The following CATSPER3 variants were observed in gnomAD, a reference collection of about 807,000 sequenced individuals.
The protein encoded by CATSPER3 is cation channel sperm-associated protein 3.
In CATSPER3, 23 loss-of-function variants were observed where a neutral mutation model predicts 36.6. The ratio of observed to expected loss-of-function variants is 0.63; its 90% CI spans 0.45 to 0.89. The LOEUF (loss-of-function observed/expected upper bound fraction) is 0.89. Among genes scored for constraint, CATSPER3 ranks in the 40% least tolerant of loss-of-function variants. The pLI, the probability that CATSPER3 is intolerant of heterozygous loss-of-function variation, is 0.00. For missense variants in CATSPER3, 474 were observed against 503.9 expected (o/e 0.94, Z 0.57); for synonymous variants, 172 against 184.1 (o/e 0.93, Z 0.53).
intron 3 of CATSPER3, among the ~76,000 whole-genome samples, chr5:135,000,445 A>G (rs1184090787): frequency 6.6e-6 from 1 of 152,262 alleles, no homozygotes; most frequent in Non-Finnish European, 1.5e-5. Context: ...AAAATGAGTT[A>G]GGGAGGATTC....
chr5:134,987,894 T>C (rs1474665028), intron 2 of CATSPER3, among the ~76,000 whole-genome samples: 1 of 152,186 alleles, frequency 6.6e-6, no homozygotes, highest in Non-Finnish European at 1.5e-5. Flanking sequence ...GGAACAAGAC[T>C]AATATGACTG....
At chr5:134,979,780 G>A (rs1296606850) in intron 2 of CATSPER3, among the ~76,000 whole-genome samples, 1 of 152,150 alleles carries the variant, frequency 6.6e-6, no homozygotes, top group African/African-American at 2.4e-5. Context: ...AAGGTCTCAA[G>A]ATTTCACCTT....
intron 2 of CATSPER3, among the ~76,000 whole-genome samples, chr5:134,979,370 C>T (rs1452676215): frequency 6.6e-6 from 1 of 152,148 alleles, no homozygotes; most frequent in Admixed American, 6.5e-5. Context: ...CTCCTGGGCT[C>T]AAGTGATCCA....
intron 2 of CATSPER3, among the ~76,000 whole-genome samples, chr5:134,971,019 G>A (rs563443212): frequency 6.5e-4 from 99 of 151,760 alleles, no homozygotes; most frequent in African/African-American, 1.5e-3. Context: ...GCGCAATCTC[G>A]GCTCACTGCA....
intron 2 of CATSPER3, among the ~76,000 whole-genome samples, chr5:134,976,556 G>A (rs1751677456): frequency 6.6e-6 from 1 of 152,360 alleles, no homozygotes; most frequent in South Asian, 2.1e-4. Flanking sequence ...TAGGATGTAA[G>A]CTGCTCATGG....
Position 135,009,500 on chromosome 5 carries a change from C to T in CATSPER3, c.936+10C>T. 1 of 1,612,244 alleles carries T rather than the reference C, an allele frequency of 6.2e-7. No individual in the cohort carries two copies. Among genetic ancestry groups the T allele is most frequent in the Non-Finnish European group, 8.5e-7 (1 of 1,179,062 alleles). ...GCTGATGCACATACAGGTGAGTGGC[C>T]CCTGCAGGCAGGTGGACAGATGGGT... On this transcript the variant is annotated intron_variant, in intron 6 of 7. Transcript: ENST00000282611.
At chr5:134,981,020 TTCTC>T (rs138608344) in intron 2 of CATSPER3, among the ~76,000 whole-genome samples, 2 of 151,360 alleles carry the variant, frequency 1.3e-5, no homozygotes, top group African/African-American at 2.4e-5. Context: ...TGCCTGGCCT[TTCTC>T]TCTCTCTCTT....
intron 2 of CATSPER3, among the ~76,000 whole-genome samples, chr5:134,990,093 A>G (rs1167738664): frequency 6.6e-6 from 1 of 152,180 alleles, no homozygotes; most frequent in East Asian, 1.9e-4. Context: ...GATCCAGTTT[A>G]TGCCATCCCA....
chr5:134,996,431 A>G lies in CATSPER3; in HGVS notation c.411A>G (p.Lys137=). Reference sequence around the variant, plus strand: ...ATGCCCTCCGCCAGCTCATGGGCAAACAGTTCACTTACCTGTATATCGCTG... The same window carrying G: ...ATGCCCTCCGCCAGCTCATGGGCAAGCAGTTCACTTACCTGTATATCGCTG... The part of the protein sequence containing the change: ...LPYALRQLMG[K]QFTYLYIADG... The change falls in exon 3 of 8, where the codon AAA becomes AAG. Residue 137 remains lysine, a synonymous_variant. Transcript: ENST00000282611. 6.2e-7 allele frequency: 1 copy of G among 1,614,168 alleles called. No individual in the cohort carries two copies. Among genetic ancestry groups the G allele is most frequent in the East Asian group, 2.2e-5 (1 of 44,882 alleles).
intron 2 of CATSPER3, among the ~76,000 whole-genome samples, chr5:134,987,261 A>G (rs1302829375): frequency 6.6e-6 from 1 of 152,232 alleles, no homozygotes; most frequent in African/African-American, 2.4e-5. Context: ...ATCTAGATGA[A>G]ATGGACAGCA....
intron 3 of CATSPER3, among the ~76,000 whole-genome samples, chr5:135,003,071 C>G (rs1752042152): frequency 6.6e-6 from 1 of 152,182 alleles, no homozygotes; most frequent in South Asian, 2.1e-4. Flanking sequence ...GGTTTCTCCC[C>G]ATCTTTGTGG....
chr5:134,972,726 C>T (rs1751621491), intron 2 of CATSPER3, among the ~76,000 whole-genome samples: 1 of 152,028 alleles, frequency 6.6e-6, no homozygotes, highest in Admixed American at 6.6e-5. Context: ...AGAACAAATG[C>T]TAAAGTGTAT....
rs565306342 is a variant in CATSPER3, at chr5:134,997,267, C to T, written c.492+755C>T. 7.9e-5 allele frequency among the ~76,000 whole-genome samples: 12 copies of T among 152,340 alleles called. 1 individual carries two copies. Among genetic ancestry groups the T allele is most frequent in the Admixed American group, 5.9e-4 (9 of 15,310 alleles). On this transcript the variant is annotated intron_variant, in intron 3 of 7. Transcript: ENST00000282611. The stretch of plus-strand genomic sequence containing the variant: ...GTGGCTGGCCGTCTAGGGCCTGGCC[C>T]CACACTCTGGGAGCCCCAGGCCTGG...
chr5:134,979,303 A>AT (rs1751720299), intron 2 of CATSPER3, among the ~76,000 whole-genome samples: 1 of 151,896 alleles, frequency 6.6e-6, no homozygotes, highest in Non-Finnish European at 1.5e-5. Flanking sequence ...TGCCCAGCTA[A>AT]TTTTTGTATG....
rs540871226 is a variant in CATSPER3, at chr5:134,970,044, C to T, written c.204C>T (p.Ala68=). 1 of 1,614,040 alleles carries T rather than the reference C, an allele frequency of 6.2e-7. No individual in the cohort carries two copies. The highest frequency in any genetic ancestry group is 2.2e-5 in the East Asian group (1 of 44,874). ...STVTSNAFFM[A]LWTSYDIRYR... is the part of the protein sequence containing the mutation. ...TCACATCGAATGCGTTTTTTATGGC[C>T]TTGTGGACCAGTTATGACATAAGGT... Residue 68 remains alanine (A), a synonymous_variant, in exon 2 of 8, where the codon GCC becomes GCT. Transcript: ENST00000282611.
Position 135,008,912 on chromosome 5 carries a change from C to T in CATSPER3, c.747C>T (p.Ile249=). ...REFALSRAFT[I]IFILLASFIF... is the part of the protein sequence containing the mutation. ...TTGCTTTGAGCCGGGCATTCACCAT[C>T]ATCTTCATCTTGCTCGCCTCTTTCA... Residue 249 remains isoleucine, a synonymous_variant, in exon 5 of 8, where the codon ATC becomes ATT. Coordinates refer to ENST00000282611, the MANE Select transcript of CATSPER3 (RefSeq NM_178019.3). The T allele has an allele frequency of 4.3e-6, 7 of 1,614,036 alleles. No homozygotes were observed. Among genetic ancestry groups the T allele is most frequent in the Middle Eastern group, 3.3e-4 (2 of 6,062 alleles).
At chr5:134,995,455 C>T (rs141932489) in intron 2 of CATSPER3, among the ~76,000 whole-genome samples, 24 of 152,154 alleles carry the variant, frequency 1.6e-4, no homozygotes, top group African/African-American at 5.3e-4. Context: ...TCCAACCTGG[C>T]GAGTCCCTTT....
intron 3 of CATSPER3, among the ~76,000 whole-genome samples, chr5:134,999,690 C>G (rs1751996054): frequency 6.6e-6 from 1 of 152,176 alleles, no homozygotes; most frequent in Non-Finnish European, 1.5e-5. Context: ...GGAGTTCACT[C>G]ATTATTTGGC....
chr5:135,011,662 C>T lies in CATSPER3; in HGVS notation c.*39C>T, dbSNP rs778759697. 5.9e-6 allele frequency: 8 copies of T among 1,361,642 alleles called. No homozygotes were observed. The highest frequency in any genetic ancestry group is 3.5e-4 in the Middle Eastern group (2 of 5,660). 84.3% of individuals were successfully genotyped at this position (1,361,642 alleles called of 1,614,324 possible). On this transcript the variant is annotated 3_prime_UTR_variant, in exon 8 of 8. Coordinates refer to ENST00000282611, the MANE Select transcript of CATSPER3 (RefSeq NM_178019.3). The stretch of plus-strand genomic sequence containing the variant: ...ACCCATGTGCCGAGAGCCTTGCAGA[C>T]CATGACAGGTCCCTATTAAACACAG...
Sources: gnomAD v4.1 joint callset for allele counts (sites outside exome capture counted in the v4.1 genomes callset) on GRCh38, gnomAD v4.1.1 for gene constraint, MANE v1.5 for transcripts, NCBI Gene and HGNC (gene_info 2026-07-23, HGNC 2026-07-21) for gene names.